DPY19L3: variants seen among roughly 807,000 people sequenced by gnomAD.
DPY19L3 encodes dpy-19 like C-mannosyltransferase 3, also known as protein C-mannosyl-transferase DPY19L3.
DPY19L3 carries 51 observed loss-of-function variants against 92.3 expected under a neutral mutation model. That is an observed-to-expected ratio of 0.55 (90% CI 0.44 to 0.70). The LOEUF (loss-of-function observed/expected upper bound fraction) is 0.70, where lower values mean the gene tolerates loss of function less well. Among genes scored for constraint, DPY19L3 ranks in the 30% least tolerant of loss-of-function variants. DPY19L3 has a pLI of 0.00. For synonymous variants in DPY19L3, 309 were observed against 315.2 expected, an observed-to-expected ratio of 0.98 and a Z score of 0.21; for missense variants, 706 against 855.9, an observed-to-expected ratio of 0.82 and a Z score of 2.18.
chr19:32,433,502 C>G (rs1332441848), intron 4 of DPY19L3, among the ~76,000 whole-genome samples: 1 of 152,196 alleles, frequency 6.6e-6, no homozygotes, highest in East Asian at 1.9e-4. Flanking sequence ...GCTGTAGTCT[C>G]AATCTCCCAG....
intron 9 of DPY19L3, among the ~76,000 whole-genome samples, chr19:32,454,257 C>T (rs544000942): frequency 1.3e-4 from 20 of 152,090 alleles, no homozygotes; most frequent in Admixed American, 7.2e-4. Flanking sequence ...TAACTATGCC[C>T]GTGGTGTAGG....
In DPY19L3 at chr19:32,453,150, A is replaced by G. The variant is rs1417391330; in HGVS notation, c.861A>G (p.Thr287=). 4.3e-6 allele frequency: 7 copies of G among 1,613,682 alleles called. No homozygotes were observed. Among genetic ancestry groups the G allele is most frequent in the South Asian group, 3.3e-5 (3 of 91,012 alleles). ...SLDMLPAVKA[T]WLYGIQITSL... ...CTAATCTTTGGTTCTTGCAGGCGAC[A>G]TGGCTGTATGGAATACAGATAACAA... Residue 287 remains threonine (T), a synonymous_variant, in exon 9 of 19, where the codon ACA becomes ACG. Coordinates refer to ENST00000392250, the MANE Select transcript of DPY19L3 (RefSeq NM_001172774.2).
intron 8 of DPY19L3, among the ~76,000 whole-genome samples, chr19:32,444,465 A>G (rs2145520845): frequency 6.6e-6 from 1 of 152,334 alleles, no homozygotes; most frequent in South Asian, 2.1e-4. Context: ...GACCTGTGAG[A>G]CTATAATGAA....
chr19:32,480,536 G>A lies in DPY19L3; in HGVS notation c.1968G>A (p.Leu656=), dbSNP rs1267400425. ...RHRRGCRLRD[L]LDIANGHMMD... Reference sequence around the variant, plus strand: ...GCCGGGGCTGCCGACTCCGGGACCTGCTGGACATTGCCAACGGCCACGTGA... The same window carrying A: ...GCCGGGGCTGCCGACTCCGGGACCTACTGGACATTGCCAACGGCCACGTGA... Residue 656 remains leucine (L), a synonymous_variant, in exon 18 of 19, where the codon CTG becomes CTA. Coordinates refer to ENST00000392250, the MANE Select transcript of DPY19L3 (RefSeq NM_001172774.2). 3 of 1,613,280 alleles carry A rather than the reference G, an allele frequency of 1.9e-6. No individual in the cohort carries two copies. The highest frequency in any genetic ancestry group is 2.5e-6 in the Non-Finnish European group (3 of 1,179,656).
intron 16 of DPY19L3, among the ~76,000 whole-genome samples, chr19:32,476,350 T>G (rs1461616648): frequency 2.0e-5 from 3 of 151,944 alleles, no homozygotes; most frequent in African/African-American, 7.3e-5. Context: ...TCTTCCTCAT[T>G]TTAGTTCAGT....
intron 4 of DPY19L3, among the ~76,000 whole-genome samples, chr19:32,435,201 T>C (rs369863114): frequency 1.3e-5 from 2 of 152,184 alleles, no homozygotes; most frequent in Non-Finnish European, 2.9e-5. Flanking sequence ...GTTCCTCTTA[T>C]AAGAACACCA....
At chr19:32,439,292 C>CA (rs924016766) in intron 7 of DPY19L3, 57 bp downstream of exon 7, 12 of 1,550,906 alleles carry the variant, frequency 7.7e-6, no homozygotes, top group African/African-American at 1.4e-5. Flanking sequence ...TATGAAGCTT[C>CA]AAAAAATGTG....
At chr19:32,466,752 T>C (rs951360075) in intron 15 of DPY19L3, among the ~76,000 whole-genome samples, 14 of 152,244 alleles carry the variant, frequency 9.2e-5, no homozygotes, top group African/African-American at 3.4e-4. Context: ...TGGCCTAGTC[T>C]CTCTTGATAC....
chr19:32,422,805 A>G (rs904765157), intron 3 of DPY19L3, among the ~76,000 whole-genome samples: 3 of 152,224 alleles, frequency 2.0e-5, no homozygotes, highest in African/African-American at 7.2e-5. Context: ...CTGAACTTAA[A>G]TATGTAAAGA....
chr19:32,463,879 C>T lies in DPY19L3; in HGVS notation c.1456C>T (p.Leu486Phe). The change falls in exon 14 of 19, where the codon CTC becomes TTC. Residue 486 changes from leucine (L) to phenylalanine (F), a missense_variant. Transcript: ENST00000392250. ...TGTCTGTTCTTGCAGAATGAAGTACCTCTGGACGTCACACATGTGTGTGTT... is the reference window on the plus strand; with the variant it reads ...TGTCTGTTCTTGCAGAATGAAGTACTTCTGGACGTCACACATGTGTGTGTT... ...LALSTMRMKY[L>F]WTSHMCVFAS... 5 of 1,613,074 alleles carry T rather than the reference C, an allele frequency of 3.1e-6. No individual in the cohort carries two copies. The highest frequency in any genetic ancestry group is 3.4e-6 in the Non-Finnish European group (4 of 1,179,302).
chr19:32,441,257 C>G (rs1029366698), intron 8 of DPY19L3, among the ~76,000 whole-genome samples: 1 of 152,126 alleles, frequency 6.6e-6, no homozygotes, highest in Non-Finnish European at 1.5e-5. Flanking sequence ...CTGGAAATGA[C>G]TTGAGCCAAT....
intron 7 of DPY19L3, 61 bp downstream of exon 7, chr19:32,439,296 A>G (rs1374174911): frequency 1.3e-6 from 2 of 1,542,682 alleles, no homozygotes; most frequent in African/African-American, 2.7e-5. Context: ...AAGCTTCAAA[A>G]AATGTGATGT....
chr19:32,407,233 C>A (rs948232974), intron 1 of DPY19L3, among the ~76,000 whole-genome samples: 16 of 150,782 alleles, frequency 1.1e-4, no homozygotes, highest in Non-Finnish European at 2.1e-4. Flanking sequence ...TCCCCCGCCT[C>A]CCACTTGCTG....
At chr19:32,429,887 T>C (rs1190383128) in intron 3 of DPY19L3, among the ~76,000 whole-genome samples, 3 of 152,198 alleles carry the variant, frequency 2.0e-5, no homozygotes, top group Non-Finnish European at 4.4e-5. Flanking sequence ...TTGGACATTC[T>C]AGAAACGAGT....
chr19:32,444,176 TAAAA>T (rs148094587), intron 8 of DPY19L3, among the ~76,000 whole-genome samples: 2,065 of 150,566 alleles, frequency 0.014, 21 homozygotes, highest in Middle Eastern at 0.024. Flanking sequence ...GCAGCCATCA[TAAAA>T]AAAAAGCTTC....
chr19:32,447,712 G>A (rs372391636), intron 8 of DPY19L3, among the ~76,000 whole-genome samples: 17 of 145,784 alleles, frequency 1.2e-4, no homozygotes, highest in African/African-American at 3.6e-4. Context: ...GCGAAACTCC[G>A]TCTCATTCAT....
At chr19:32,424,041 C>T (rs991711978) in intron 3 of DPY19L3, among the ~76,000 whole-genome samples, 1 of 151,580 alleles carries the variant, frequency 6.6e-6, no homozygotes, top group Admixed American at 6.6e-5. Context: ...GGCCAGCTGG[C>T]ACAGTGGCTC....
rs963111681 is a variant in DPY19L3, at chr19:32,424,061, G to A, written c.238-8655G>A. Among the ~76,000 whole-genome samples the A allele has an allele frequency of 1.3e-4, 19 of 151,576 alleles. No individual in the cohort carries two copies. The South Asian group carries it at 3.1e-3, about 25-fold the overall frequency. On this transcript the variant is annotated intron_variant, in intron 3 of 18. Coordinates refer to ENST00000392250, the MANE Select transcript of DPY19L3 (RefSeq NM_001172774.2). Reference sequence around the variant, plus strand: ...GCTGGCACAGTGGCTCACAGCTGTCGTCTCAGCACTCTGGAGGGCAAAAGG... The same window carrying A: ...GCTGGCACAGTGGCTCACAGCTGTCATCTCAGCACTCTGGAGGGCAAAAGG...
chr19:32,482,842 TCAG>T lies in DPY19L3; in HGVS notation c.*606_*608del, dbSNP rs1312910368. The T allele has an allele frequency of 1.3e-5, 2 of 152,674 alleles. No homozygotes were observed. The highest frequency in any genetic ancestry group is 2.9e-5 in the Non-Finnish European group (2 of 68,392). The allele number at this position is 152,674 out of a possible 1,614,324, so 9.5% of individuals were successfully genotyped here. A position where few individuals can be genotyped will look rare whatever the true frequency, so the allele number is the denominator to read the frequency against. ...TGTCTGAAATGTAATGTGGAGTACT[TCAG>T]CAGTATGTGTCATGTATTGTGTGTG... On this transcript the variant is annotated 3_prime_UTR_variant, in exon 19 of 19. Coordinates refer to ENST00000392250, the MANE Select transcript of DPY19L3 (RefSeq NM_001172774.2).
Sources: allele counts gnomAD v4.1 joint callset (sites outside exome capture counted in the v4.1 genomes callset), GRCh38; gene constraint gnomAD v4.1.1; transcripts MANE v1.5; gene names NCBI Gene and HGNC (gene_info 2026-07-23, HGNC 2026-07-21).